The following LRP1B variants were observed in gnomAD, a reference collection of about 807,000 sequenced individuals.
LRP1B encodes the protein LDL receptor related protein 1B.
A neutral mutation model predicts 556.6 loss-of-function variants in LRP1B; 217 were observed. The observed-to-expected ratio is 0.39, with a 90% CI of 0.35 to 0.44. LRP1B has a LOEUF of 0.44. Among genes scored for constraint, LRP1B ranks in the 20% least tolerant of loss-of-function variants. The pLI is 1.00. For synonymous variants in LRP1B, 2,047 were observed against 1,865.8 expected, an observed-to-expected ratio of 1.10 and a Z score of -2.50; for missense variants, 5,053 against 5,620.8, an observed-to-expected ratio of 0.90 and a Z score of 3.23.
intron 84 of LRP1B, among the ~76,000 whole-genome samples, chr2:140,291,358 C>T (rs1022121124): frequency 1.6e-5 from 2 of 123,210 alleles, no homozygotes; most frequent in Non-Finnish European, 3.6e-5. Context: ...ATGTGCACAA[C>T]GTGCAGGTTT....
At chr2:140,554,314 T>C (rs1349958561) in intron 43 of LRP1B, among the ~76,000 whole-genome samples, 2 of 146,336 alleles carry the variant, frequency 1.4e-5, no homozygotes, top group East Asian at 4.1e-4. Flanking sequence ...TATATTTTTA[T>C]TTTCTTGCCG....
chr2:140,950,837 T>C (rs941344776), intron 19 of LRP1B, among the ~76,000 whole-genome samples: 1 of 151,908 alleles, frequency 6.6e-6, no homozygotes, highest in Non-Finnish European at 1.5e-5. Flanking sequence ...TTTTTTTTTT[T>C]TGAAAAATGA....
intron 49 of LRP1B, among the ~76,000 whole-genome samples, chr2:140,517,461 G>T (rs1189861084): frequency 6.6e-6 from 1 of 151,994 alleles, no homozygotes; most frequent in Non-Finnish European, 1.5e-5. Context: ...GGAAAAGTGT[G>T]AATCTAGTGT....
chr2:140,698,119 C>T (rs1033161600), intron 41 of LRP1B, among the ~76,000 whole-genome samples: 11 of 151,772 alleles, frequency 7.2e-5, no homozygotes, highest in Non-Finnish European at 2.9e-5. Flanking sequence ...CACGTCATTC[C>T]CTACTTCATC....
At chr2:141,085,241 T>A (rs1371647337) in intron 7 of LRP1B, among the ~76,000 whole-genome samples, 1 of 152,184 alleles carries the variant, frequency 6.6e-6, no homozygotes, top group Non-Finnish European at 1.5e-5. Context: ...ATTGCAAACT[T>A]CATACTTCAC....
At chr2:141,405,323 TA>T (rs941723876) in intron 3 of LRP1B, among the ~76,000 whole-genome samples, 1 of 152,234 alleles carries the variant, frequency 6.6e-6, no homozygotes, top group African/African-American at 2.4e-5. Flanking sequence ...TAGTACATTT[TA>T]AAAAAACTAT....
In LRP1B at chr2:141,513,384, T is replaced by C. The variant is rs1379631951; in HGVS notation, c.206-32851A>G. On this transcript the variant is annotated intron_variant, in intron 2 of 90. Transcript: ENST00000389484. Reference sequence around the variant, plus strand: ...TTTCTAAATGAATGACTGTGAAAGATAAAATGTTAAATGACTTTAAAAATG... The same window carrying C: ...TTTCTAAATGAATGACTGTGAAAGACAAAATGTTAAATGACTTTAAAAATG... 2.6e-5 allele frequency among the ~76,000 whole-genome samples: 4 copies of C among 152,112 alleles called. No individual in the cohort carries two copies. In the East Asian group the frequency reaches 7.7e-4, roughly 29 times the overall value.
intron 2 of LRP1B, among the ~76,000 whole-genome samples, chr2:141,780,583 C>A (rs141378834): frequency 6.6e-6 from 1 of 152,076 alleles, no homozygotes; most frequent in African/African-American, 2.4e-5. Flanking sequence ...TAAGCTATCG[C>A]GTGGCATCAC....
At chr2:140,924,494 C>A (rs1694830375) in intron 20 of LRP1B, among the ~76,000 whole-genome samples, 1 of 151,964 alleles carries the variant, frequency 6.6e-6, no homozygotes. Flanking sequence ...ATGGACTTGA[C>A]CATACATCCT....
At chr2:141,664,068 G>T (rs1690330550) in intron 2 of LRP1B, among the ~76,000 whole-genome samples, 1 of 152,164 alleles carries the variant, frequency 6.6e-6, no homozygotes, top group African/African-American at 2.4e-5. Context: ...ATCAAGGGAT[G>T]CAAGGCTGGT....
At chr2:142,116,643 T>G (rs558315209) in intron 1 of LRP1B, among the ~76,000 whole-genome samples, 2 of 152,290 alleles carry the variant, frequency 1.3e-5, no homozygotes, top group South Asian at 4.1e-4. Flanking sequence ...TGTATTATAG[T>G]TATGTATTAT....
intron 7 of LRP1B, among the ~76,000 whole-genome samples, chr2:141,071,788 A>T (rs1031775936): frequency 6.6e-5 from 10 of 152,188 alleles, no homozygotes; most frequent in African/African-American, 2.2e-4. Context: ...CTAGGAATCT[A>T]ACCTACAAGG....
intron 7 of LRP1B, among the ~76,000 whole-genome samples, chr2:141,164,593 A>G (rs1680171457): frequency 6.6e-6 from 1 of 152,066 alleles, no homozygotes; most frequent in Admixed American, 6.6e-5. Flanking sequence ...GTATCAAATT[A>G]GATTCAACCC....
At chr2:141,877,215 G>T (rs1392576559) in intron 1 of LRP1B, among the ~76,000 whole-genome samples, 1 of 151,770 alleles carries the variant, frequency 6.6e-6, no homozygotes, top group Non-Finnish European at 1.5e-5. Context: ...TTCCTATAAA[G>T]AATTTCCTGA....
intron 1 of LRP1B, among the ~76,000 whole-genome samples, chr2:141,881,744 A>G (rs11693445): frequency 6.6e-6 from 1 of 151,822 alleles, no homozygotes; most frequent in Non-Finnish European, 1.5e-5. Context: ...CCTACAAAAA[A>G]TATACTCTAA....
intron 83 of LRP1B, among the ~76,000 whole-genome samples, chr2:140,305,864 G>A (rs1018598607): frequency 5.9e-5 from 9 of 151,766 alleles, no homozygotes; most frequent in Admixed American, 5.9e-4. Flanking sequence ...TAGCATGAAG[G>A]GCTGTTGAAT....
chr2:141,191,572 G>A (rs996477787), intron 6 of LRP1B, among the ~76,000 whole-genome samples: 1 of 151,826 alleles, frequency 6.6e-6, no homozygotes, highest in Non-Finnish European at 1.5e-5. Context: ...AGAAGATACT[G>A]CAATTAATTG....
At chr2:141,194,668 C>T (rs1681672063) in intron 6 of LRP1B, among the ~76,000 whole-genome samples, 2 of 152,080 alleles carry the variant, frequency 1.3e-5, no homozygotes, top group Admixed American at 1.3e-4. Flanking sequence ...GCAAAGAAAA[C>T]ACTGTATATC....
At chr2:141,022,217 T>G (rs1573990537) in intron 11 of LRP1B, among the ~76,000 whole-genome samples, 1 of 151,898 alleles carries the variant, frequency 6.6e-6, no homozygotes, top group South Asian at 2.1e-4. Context: ...AGGCTAGGTA[T>G]CTAGTCTATT....
Sources: gnomAD v4.1 joint callset for allele counts (sites outside exome capture counted in the v4.1 genomes callset) on GRCh38, gnomAD v4.1.1 for gene constraint, MANE v1.5 for transcripts, NCBI Gene and HGNC (gene_info 2026-07-23, HGNC 2026-07-21) for gene names.